The following COL4A2 variants were observed in gnomAD, a reference collection of about 807,000 sequenced individuals.
COL4A2 encodes collagen type IV alpha 2 chain, also known as collagen alpha-2(IV) chain.
COL4A2 carries 99 observed loss-of-function variants against 200.2 expected under a neutral mutation model. The observed-to-expected ratio is 0.49, with a 90% CI of 0.42 to 0.58. The LOEUF (loss-of-function observed/expected upper bound fraction) is 0.58, where lower values mean the gene tolerates loss of function less well. COL4A2 is among the 20% of genes least tolerant of loss of function. COL4A2 has a pLI of 0.00. For synonymous variants in COL4A2, 897 were observed against 900.6 expected (o/e 1.00, Z 0.07); for missense variants, 1,950 against 2,314.1 (o/e 0.84, Z 3.23).
intron 3 of COL4A2, among the ~76,000 whole-genome samples, chr13:110,318,692 A>G (rs981938408): frequency 6.6e-6 from 1 of 152,182 alleles, no homozygotes; most frequent in Non-Finnish European, 1.5e-5. Flanking sequence ...TTCTTACCTT[A>G]TGCACGTGCC....
At chr13:110,478,569 C>G (rs189629906) in intron 30 of COL4A2, among the ~76,000 whole-genome samples, 6,769 of 152,214 alleles carry the variant, frequency 0.044, 445 homozygotes, top group African/African-American at 0.15. Context: ...GGAGGGGAGG[C>G]TCGGCTGCAT....
chr13:110,425,034 C>A (rs376642856), intron 6 of COL4A2, 37 bp downstream of exon 6: 47 of 1,590,728 alleles, frequency 3.0e-5, no homozygotes, highest in Non-Finnish European at 3.8e-5. Context: ...TAAAACATTG[C>A]GTGCATCCTA....
intron 16 of COL4A2, among the ~76,000 whole-genome samples, chr13:110,440,577 CAA>C (rs919164196): frequency 1.3e-5 from 2 of 152,092 alleles, no homozygotes; most frequent in African/African-American, 4.8e-5. Flanking sequence ...GCCTGGGCAA[CAA>C]GAGTGAAACT....
Position 110,512,409 on chromosome 13 carries a change from G to A in COL4A2, c.*218G>A, listed in dbSNP as rs1566577452. 4 of 759,202 alleles carry A rather than the reference G, an allele frequency of 5.3e-6. No homozygotes were observed. Among genetic ancestry groups the A allele is most frequent in the African/African-American group, 3.5e-5 (2 of 56,780 alleles). 47.0% of individuals were successfully genotyped at this position (759,202 alleles called of 1,614,324 possible). ...GCAAGCCCTGCCCACAGAAAGCCAGGAGCAGCCCTGGCCCCCATCAGCCCT... is the reference window on the plus strand; with the variant it reads ...GCAAGCCCTGCCCACAGAAAGCCAGAAGCAGCCCTGGCCCCCATCAGCCCT... On this transcript the variant is annotated 3_prime_UTR_variant, in exon 48 of 48. Coordinates refer to ENST00000360467, the MANE Select transcript of COL4A2 (RefSeq NM_001846.4).
chr13:110,451,257 C>T (rs570221609), intron 20 of COL4A2, among the ~76,000 whole-genome samples: 1 of 152,358 alleles, frequency 6.6e-6, no homozygotes, highest in Non-Finnish European at 1.5e-5. Context: ...GAGAGTTATG[C>T]TTTAAAGACC....
intron 11 of COL4A2, among the ~76,000 whole-genome samples, chr13:110,432,936 G>C (rs1183938370): frequency 6.6e-6 from 1 of 152,250 alleles, no homozygotes; most frequent in Non-Finnish European, 1.5e-5. Flanking sequence ...CAGAACTAGG[G>C]TTCCTTATTA....
chr13:110,341,927 G>T (rs1425650161), intron 3 of COL4A2, among the ~76,000 whole-genome samples: 1 of 152,230 alleles, frequency 6.6e-6, no homozygotes, highest in Non-Finnish European at 1.5e-5. Flanking sequence ...ATCTCAGCAT[G>T]TTAGTTGTTT....
intron 4 of COL4A2, among the ~76,000 whole-genome samples, chr13:110,423,697 C>T (rs899528840): frequency 2.0e-5 from 3 of 152,122 alleles, no homozygotes; most frequent in Non-Finnish European, 1.5e-5. Flanking sequence ...AAGCTCTGTC[C>T]CCATGAAAAC....
chr13:110,447,512 G>C (rs1223127936), intron 18 of COL4A2, among the ~76,000 whole-genome samples: 2 of 152,140 alleles, frequency 1.3e-5, no homozygotes, highest in Non-Finnish European at 2.9e-5. Flanking sequence ...TCCTAGTCCT[G>C]CAACTAGAGC....
intron 4 of COL4A2, among the ~76,000 whole-genome samples, chr13:110,423,396 C>T (rs1017919683): frequency 6.6e-6 from 1 of 151,876 alleles, no homozygotes; most frequent in Non-Finnish European, 1.5e-5. Flanking sequence ...ACAATGTGAA[C>T]ACATGGACAC....
At chr13:110,322,164 G>A (rs754744574) in intron 3 of COL4A2, among the ~76,000 whole-genome samples, 17 of 152,216 alleles carry the variant, frequency 1.1e-4, no homozygotes, top group Non-Finnish European at 1.9e-4. Context: ...AGGAAATGGC[G>A]ATGTGAGACC....
chr13:110,336,478 C>T (rs1293931280), intron 3 of COL4A2, among the ~76,000 whole-genome samples: 2 of 152,170 alleles, frequency 1.3e-5, no homozygotes, highest in South Asian at 2.1e-4. Flanking sequence ...GAGGAGGGCT[C>T]CTGCGCGCTG....
At chr13:110,487,135 G>A (rs1312893391) in intron 34 of COL4A2, among the ~76,000 whole-genome samples, 1 of 152,230 alleles carries the variant, frequency 6.6e-6, no homozygotes, top group African/African-American at 2.4e-5. Context: ...CAGTCTGTGT[G>A]TGCTATTCAG....
chr13:110,429,924 G>T lies in COL4A2; in HGVS notation c.517G>T (p.Ala173Ser), dbSNP rs757886951. 5 of 1,612,174 alleles carry T rather than the reference G, an allele frequency of 3.1e-6. No individual in the cohort carries two copies. Among genetic ancestry groups the T allele is most frequent in the Non-Finnish European group, 4.2e-6 (5 of 1,179,418 alleles). ...GPKGQKGEPY[A>S]LPKEERDRYR... is the part of the protein sequence containing the mutation. ...AAAAGGGCAGAAAGGTGAGCCTTATGCACTGCCTAAAGAGGAGCGCGACAG... is the reference window on the plus strand; with the variant it reads ...AAAAGGGCAGAAAGGTGAGCCTTATTCACTGCCTAAAGAGGAGCGCGACAG... The change falls in exon 8 of 48, where the codon GCA becomes TCA. Residue 173 changes from alanine to serine, a missense_variant. Physicochemically the swap from Ala to Ser is moderately conservative, Grantham distance 99. This residue lies in a region of COL4A2 where 565 missense variants were observed against 593.5 expected (regional missense o/e 0.95). Coordinates refer to ENST00000360467, the MANE Select transcript of COL4A2 (RefSeq NM_001846.4).
intron 4 of COL4A2, among the ~76,000 whole-genome samples, chr13:110,390,351 C>CA (rs1232447287): frequency 6.6e-6 from 1 of 152,252 alleles, no homozygotes; most frequent in Non-Finnish European, 1.5e-5. Flanking sequence ...TCTGTCTCCA[C>CA]AGATTCCCAA....
At chr13:110,504,392 C>A in intron 45 of COL4A2, 128 bp downstream of exon 45, 1 of 724,664 alleles carries the variant, frequency 1.4e-6, no homozygotes, top group Non-Finnish European at 2.3e-6. Flanking sequence ...CCCCACCCTC[C>A]TGCTCCTAAT....
intron 39 of COL4A2, among the ~76,000 whole-genome samples, chr13:110,495,115 G>A (rs1284340244): frequency 2.0e-5 from 3 of 152,158 alleles, no homozygotes; most frequent in Non-Finnish European, 2.9e-5. Context: ...GATGGGCCTC[G>A]ATCCTCTTAT....
chr13:110,347,166 T>C (rs1203392989), intron 3 of COL4A2, among the ~76,000 whole-genome samples: 1 of 152,196 alleles, frequency 6.6e-6, no homozygotes, highest in Non-Finnish European at 1.5e-5. Flanking sequence ...GGCCTACCTG[T>C]CCTCACCTGA....
chr13:110,492,457 G>A (rs1349625205), intron 38 of COL4A2, among the ~76,000 whole-genome samples: 5 of 152,236 alleles, frequency 3.3e-5, no homozygotes, highest in African/African-American at 1.2e-4. Context: ...GGGTCCACTT[G>A]TCATCGCCAC....
Sources: gnomAD v4.1 joint callset for allele counts (sites outside exome capture counted in the v4.1 genomes callset) on GRCh38, gnomAD v4.1.1 for gene constraint, gnomAD v4.1.1 regional missense constraint, MANE v1.5 for transcripts, NCBI Gene and HGNC (gene_info 2026-07-23, HGNC 2026-07-21) for gene names.